BMPR2: variants seen among roughly 807,000 people sequenced by gnomAD.
BMPR2 encodes bone morphogenetic protein receptor type 2, also known as bone morphogenetic protein receptor type-2.
BMPR2 carries 29 observed loss-of-function variants against 100.8 expected under a neutral mutation model. The ratio of observed to expected loss-of-function variants is 0.29; its 90% CI spans 0.21 to 0.39. BMPR2 has a LOEUF of 0.39. Ranked by LOEUF, BMPR2 falls within the 10% of genes least tolerant of loss-of-function variation. The pLI is 1.00. For synonymous variants in BMPR2, 382 were observed against 442.3 expected (o/e 0.86, Z 1.71); for missense variants, 1,011 against 1,274.5 (o/e 0.79, Z 3.15).
chr2:202,501,065 G>A (rs1013311091), intron 3 of BMPR2, among the ~76,000 whole-genome samples: 9 of 152,186 alleles, frequency 5.9e-5, no homozygotes, highest in Non-Finnish European at 1.0e-4. Flanking sequence ...CAGTTCGGAA[G>A]CCTCGTGCCA....
At chr2:202,459,981 C>T (rs1209420871) in intron 1 of BMPR2, among the ~76,000 whole-genome samples, 2 of 151,800 alleles carry the variant, frequency 1.3e-5, no homozygotes, top group Non-Finnish European at 2.9e-5. Context: ...AGAAGACATG[C>T]ATATGGCCAA....
intron 7 of BMPR2, among the ~76,000 whole-genome samples, chr2:202,529,670 T>C (rs922785274): frequency 6.6e-6 from 1 of 152,156 alleles, no homozygotes; most frequent in Non-Finnish European, 1.5e-5. Context: ...GTGAAGAAAT[T>C]GGTAACTCCT....
At chr2:202,504,034 CT>C (rs1316489519) in intron 3 of BMPR2, among the ~76,000 whole-genome samples, 1 of 152,088 alleles carries the variant, frequency 6.6e-6, no homozygotes, top group Non-Finnish European at 1.5e-5. Flanking sequence ...TGTCGACACT[CT>C]GTATCTAGCT....
intron 1 of BMPR2, among the ~76,000 whole-genome samples, chr2:202,417,244 C>T (rs1691150726): frequency 6.6e-6 from 1 of 152,234 alleles, no homozygotes; most frequent in South Asian, 2.1e-4. Flanking sequence ...TCAAGCTATT[C>T]TCCTGCCTCA....
rs1304855304 is a variant in BMPR2 at position 202,520,633 on chromosome 2, C to T, written c.967+432C>T. The T allele has an allele frequency of 6.2e-5, 14 of 224,650 alleles. No individual in the cohort carries two copies. The East Asian group carries it at 7.3e-4, about 12-fold the overall frequency. The allele number at this position is 224,650 out of a possible 1,614,324, so 13.9% of individuals were successfully genotyped here. ...GCCACATCTTTTGGCAGACCACCTG[C>T]GGTAGGCTGCCCCACAAGACCAAGC... On this transcript the variant is annotated intron_variant, in intron 7 of 12. Transcript: ENST00000374580.
At chr2:202,535,578 G>A (rs1175010330) in intron 9 of BMPR2, among the ~76,000 whole-genome samples, 15 of 150,784 alleles carry the variant, frequency 9.9e-5, no homozygotes, top group Admixed American at 5.9e-4. Context: ...GCGGCCGGGC[G>A]GAGACGCTCC....
intron 3 of BMPR2, among the ~76,000 whole-genome samples, chr2:202,474,483 A>C (rs915932629): frequency 1.3e-5 from 2 of 152,060 alleles, no homozygotes; most frequent in Non-Finnish European, 2.9e-5. Context: ...AAACAAAACA[A>C]AACAAAAAAG....
chr2:202,398,831 T>G (rs1419438338), intron 1 of BMPR2, among the ~76,000 whole-genome samples: 1 of 152,152 alleles, frequency 6.6e-6, no homozygotes, highest in Non-Finnish European at 1.5e-5. Flanking sequence ...ATGTACTTGT[T>G]AAGAAGACAG....
chr2:202,420,762 G>A (rs1375607063), intron 1 of BMPR2, among the ~76,000 whole-genome samples: 1 of 151,448 alleles, frequency 6.6e-6, no homozygotes, highest in African/African-American at 2.4e-5. Context: ...GGCCAGGCTG[G>A]TCATGAACTC....
At chr2:202,472,223 A>G (rs1206020947) in intron 3 of BMPR2, among the ~76,000 whole-genome samples, 1 of 152,226 alleles carries the variant, frequency 6.6e-6, no homozygotes, top group Non-Finnish European at 1.5e-5. Context: ...ACTGAAAGCA[A>G]TAGGAAATTT....
chr2:202,543,252 A>G (rs1206457022), intron 10 of BMPR2, among the ~76,000 whole-genome samples: 1 of 147,346 alleles, frequency 6.8e-6, no homozygotes, highest in Non-Finnish European at 1.5e-5. Context: ...ATATATATTT[A>G]TATACATATA....
chr2:202,465,611 C>T (rs895640745), intron 2 of BMPR2, among the ~76,000 whole-genome samples: 8 of 152,146 alleles, frequency 5.3e-5, no homozygotes, highest in Admixed American at 1.3e-4. Context: ...GTAATCCCAG[C>T]ACTTTGGGAG....
Position 202,504,754 on chromosome 2 carries a change from A to G in BMPR2, c.419-8965A>G, listed in dbSNP as rs142854045. 3.4e-3 allele frequency among the ~76,000 whole-genome samples: 467 copies of G among 138,024 alleles called. 2 individuals are homozygous for G. The highest frequency in any genetic ancestry group is 0.013 in the African/African-American group (452 of 35,796). 90.5% of individuals were successfully genotyped at this position (138,024 alleles called of 152,430 possible). ...GAGTGCAGTGGCGCAATCTCTGCTC[A>G]CTGCAACCTCCACCCTTCGAGTTCA... On this transcript the variant is annotated intron_variant, in intron 3 of 12. Transcript: ENST00000374580.
chr2:202,413,443 A>T (rs1256033376), intron 1 of BMPR2, among the ~76,000 whole-genome samples: 1 of 152,200 alleles, frequency 6.6e-6, no homozygotes. Flanking sequence ...TCACACGCAC[A>T]CAAAACAACA....
At chr2:202,393,154 A>C (rs1690585080) in intron 1 of BMPR2, among the ~76,000 whole-genome samples, 2 of 152,182 alleles carry the variant, frequency 1.3e-5, no homozygotes, top group Admixed American at 6.5e-5. Flanking sequence ...ACATAGCATA[A>C]ACTGGAATTA....
intron 1 of BMPR2, among the ~76,000 whole-genome samples, chr2:202,453,660 A>G (rs1375392051): frequency 1.3e-5 from 2 of 152,178 alleles, no homozygotes; most frequent in Non-Finnish European, 2.9e-5. Flanking sequence ...AGAGGCTGAG[A>G]AGAATAGTGG....
chr2:202,464,775 A>C (rs1482938592), intron 1 of BMPR2, 34 bp from the exon 2 acceptor site: 2 of 1,581,058 alleles, frequency 1.3e-6, no homozygotes, highest in Admixed American at 3.6e-5. Flanking sequence ...AAAACATTAA[A>C]TAATTTGTCA....
rs886055471 is a variant in BMPR2, at chr2:202,560,015, T to TAA, written c.*78_*79dup. 2.0e-5 allele frequency: 29 copies of TAA among 1,451,122 alleles called. No individual in the cohort carries two copies. The highest frequency in any genetic ancestry group is 2.4e-4 in the Middle Eastern group (1 of 4,094). The allele number at this position is 1,451,122 out of a possible 1,614,324, so 89.9% of individuals were successfully genotyped here. A position where few individuals can be genotyped will look rare whatever the true frequency, so the allele number is the denominator to read the frequency against. The stretch of plus-strand genomic sequence containing the variant: ...TAAACATGCAGAAGATGTTTAAAAA[T>TAA]AAAAAAAAAACTGCTTTATCCTCCT... On this transcript the variant is annotated 3_prime_UTR_variant, in exon 13 of 13. Coordinates refer to ENST00000374580, the MANE Select transcript of BMPR2 (RefSeq NM_001204.7).
chr2:202,508,070 CTAT>C (rs4032712), intron 3 of BMPR2, among the ~76,000 whole-genome samples: 68,895 of 139,418 alleles, frequency 0.49, 17,025 homozygotes, highest in East Asian at 0.71. Flanking sequence ...TCATTTGAGG[CTAT>C]TATTATTATT....
Sources: allele counts gnomAD v4.1 joint callset (sites outside exome capture counted in the v4.1 genomes callset), GRCh38; gene constraint gnomAD v4.1.1; transcripts MANE v1.5; gene names NCBI Gene and HGNC (gene_info 2026-07-23, HGNC 2026-07-21).